KDM2A: variants seen among roughly 807,000 people sequenced by gnomAD.
KDM2A encodes lysine-specific demethylase 2A.
Under a neutral mutation model 137.3 loss-of-function variants are expected in KDM2A, and 3 were observed. The ratio of observed to expected loss-of-function variants is 0.02; its 90% confidence interval spans 0.01 to 0.06. The LOEUF is 0.06. KDM2A is among the 10% of genes least tolerant of loss of function. KDM2A has a pLI of 1.00. For synonymous variants in KDM2A, 512 were observed against 541.5 expected (o/e 0.95, Z 0.76); for missense variants, 738 against 1,510.6 (o/e 0.49, Z 8.48).
chr11:67,250,083 C>A lies in KDM2A; in HGVS notation c.2056-3C>A. The A allele has an allele frequency of 1.3e-6, 2 of 1,573,718 alleles. No individual in the cohort carries two copies. The highest frequency in any genetic ancestry group is 1.9e-5 in the Admixed American group (1 of 54,044). On this transcript the variant is annotated splice_region_variant and splice_polypyrimidine_tract_variant and intron_variant, in intron 16 of 20. Coordinates refer to ENST00000529006, the MANE Select transcript of KDM2A (RefSeq NM_012308.3). The surrounding 1 kb of genome is among the most constrained non-coding windows in gnomAD (Gnocchi z 7.1). ...ATGTTGCTTTTCTGGGCCTGTTTTGCAGAAGCGGAAAATGGAAGAGAGTGA... is the reference window on the plus strand; with the variant it reads ...ATGTTGCTTTTCTGGGCCTGTTTTGAAGAAGCGGAAAATGGAAGAGAGTGA...
chr11:67,160,689 T>G (rs1856614884), intron 2 of KDM2A, among the ~76,000 whole-genome samples: 1 of 152,156 alleles, frequency 6.6e-6, no homozygotes, highest in Non-Finnish European at 1.5e-5. Flanking sequence ...GAGAATCACT[T>G]GAACCTGGAA....
At chr11:67,232,682 C>CTT (rs558208078) in intron 12 of KDM2A, among the ~76,000 whole-genome samples, 86 of 131,786 alleles carry the variant, frequency 6.5e-4, no homozygotes, top group African/African-American at 2.0e-3. Context: ...CAGACTTGAG[C>CTT]TTTTTTTTTT....
At chr11:67,182,495 A>G (rs1857111818) in intron 5 of KDM2A, among the ~76,000 whole-genome samples, 1 of 150,580 alleles carries the variant, frequency 6.6e-6, no homozygotes, top group African/African-American at 2.4e-5. Context: ...CAGCATCCTT[A>G]GGAGTTCAGG....
At position 67,246,135 on chromosome 11, in the gene KDM2A, G is replaced by A. The variant is rs1384104149; in HGVS notation, c.1965+19G>A. On this transcript the variant is annotated intron_variant, in intron 15 of 20. Transcript: ENST00000529006. ...CCTCCAGGTGAGGAGAGCTATGAGG[G>A]GTTCCTGAAGTCTCAGCTAATGGAG... is the stretch of plus-strand genomic sequence containing the variant. 1 of 1,612,908 alleles carries A rather than the reference G, an allele frequency of 6.2e-7. No individual in the cohort carries two copies. The highest frequency in any genetic ancestry group is 8.5e-7 in the Non-Finnish European group (1 of 1,179,442).
At chr11:67,197,696 G>T (rs1857514682) in intron 5 of KDM2A, among the ~76,000 whole-genome samples, 1 of 152,128 alleles carries the variant, frequency 6.6e-6, no homozygotes, top group African/African-American at 2.4e-5. Flanking sequence ...TGAGAATATG[G>T]ACTCTGTAGC....
chr11:67,157,676 T>C (rs759915301), intron 2 of KDM2A, among the ~76,000 whole-genome samples: 1 of 133,338 alleles, frequency 7.5e-6, no homozygotes, highest in Non-Finnish European at 1.6e-5. Flanking sequence ...ACTGGGGAGG[T>C]GGGGTTTGCA....
chr11:67,121,601 A>G (rs1855598967), intron 2 of KDM2A, among the ~76,000 whole-genome samples: 1 of 152,316 alleles, frequency 6.6e-6, no homozygotes, highest in Middle Eastern at 3.4e-3. Context: ...TATAGAAACC[A>G]TTGTATACCA....
chr11:67,170,117 C>A (rs1432137951), intron 2 of KDM2A, among the ~76,000 whole-genome samples: 1 of 152,050 alleles, frequency 6.6e-6, no homozygotes. Flanking sequence ...GAAGTGAGAA[C>A]ACATTTTCAT....
intron 2 of KDM2A, chr11:67,143,355 C>A (rs4375446): frequency 6.6e-6 from 1 of 151,810 alleles, no homozygotes; most frequent in Non-Finnish European, 1.5e-5. Context: ...TACAGGACTT[C>A]AGGAGCACTA....
Position 67,245,004 on chromosome 11 carries a change from C to G in KDM2A, c.1564-185C>G, listed in dbSNP as rs894058537. On this transcript the variant is annotated intron_variant, in intron 13 of 20. Coordinates refer to ENST00000529006, the MANE Select transcript of KDM2A (RefSeq NM_012308.3). This position sits in a 1 kb window ranked among gnomAD's most constrained non-coding sequence, Gnocchi z 4.1. ...CTGTCTCAAAAAAAAAAAAAAAAAG[C>G]AGCCATTGATAATACATACACAAGA... 20 of 529,648 alleles carry G rather than the reference C, an allele frequency of 3.8e-5. No homozygotes were observed. Among genetic ancestry groups the G allele is most frequent in the Non-Finnish European group, 4.8e-5 (15 of 310,274 alleles). The allele number at this position is 529,648 out of a possible 1,614,324, so 32.8% of individuals were successfully genotyped here.
chr11:67,234,590 T>G (rs1304940722), intron 12 of KDM2A, among the ~76,000 whole-genome samples: 1 of 152,256 alleles, frequency 6.6e-6, no homozygotes, highest in Non-Finnish European at 1.5e-5. Flanking sequence ...TGACTTGGGC[T>G]GAGCCCAGTG....
At chr11:67,180,009 A>G (rs1857053205) in intron 2 of KDM2A, 70 bp from the exon 3 acceptor site, 1 of 1,490,770 alleles carries the variant, frequency 6.7e-7, no homozygotes, top group Non-Finnish European at 9.1e-7. Flanking sequence ...CATGTAGGGA[A>G]ATCTATGACC....
At chr11:67,212,124 G>C (rs941776175) in intron 6 of KDM2A, among the ~76,000 whole-genome samples, 75 of 152,226 alleles carry the variant, frequency 4.9e-4, no homozygotes, top group African/African-American at 1.6e-3. Flanking sequence ...GCAAGACCCA[G>C]TCTTTTAAAA....
In KDM2A at chr11:67,255,144, A is replaced by C; in HGVS notation, c.*89A>C. 1 of 1,187,506 alleles carries C rather than the reference A, an allele frequency of 8.4e-7. No homozygotes were observed. Among genetic ancestry groups the C allele is most frequent in the South Asian group, 1.4e-5 (1 of 70,200 alleles). The allele number at this position is 1,187,506 out of a possible 1,614,324, so 73.6% of individuals were successfully genotyped here. A position where few individuals can be genotyped will look rare whatever the true frequency, so the allele number is the denominator to read the frequency against. On this transcript the variant is annotated 3_prime_UTR_variant, in exon 21 of 21. Coordinates refer to ENST00000529006, the MANE Select transcript of KDM2A (RefSeq NM_012308.3). ...TCTCCTCGACCCTGCACGGGCTCTG[A>C]GGCCAGCGTCACACTCCCTCTCTGC...
chr11:67,203,379 T>C (rs1009112570), intron 5 of KDM2A, among the ~76,000 whole-genome samples: 20 of 150,770 alleles, frequency 1.3e-4, no homozygotes, highest in Admixed American at 1.3e-3. Context: ...AAGATATGGT[T>C]ATACTAAGTA....
intron 12 of KDM2A, among the ~76,000 whole-genome samples, chr11:67,235,081 CT>C (rs1200107428): frequency 2.1e-5 from 3 of 144,716 alleles, no homozygotes; most frequent in Non-Finnish European, 4.5e-5. Flanking sequence ...GGAGGCGGAG[CT>C]TGCAGTGAGC....
intron 2 of KDM2A, among the ~76,000 whole-genome samples, chr11:67,137,807 C>G (rs1856000613): frequency 6.6e-6 from 1 of 151,848 alleles, no homozygotes; most frequent in Non-Finnish European, 1.5e-5. Context: ...ATGATTGGGT[C>G]TTTTTTTGAG....
At chr11:67,242,005 C>CGGAGGT (rs1859058006) in intron 12 of KDM2A, among the ~76,000 whole-genome samples, 2 of 152,028 alleles carry the variant, frequency 1.3e-5, no homozygotes, top group Non-Finnish European at 2.9e-5. Context: ...GGAGGCGAGG[C>CGGAGGT]GGAGGTTGCA....
intron 2 of KDM2A, among the ~76,000 whole-genome samples, chr11:67,157,334 A>C (rs954351021): frequency 2.0e-5 from 3 of 151,346 alleles, no homozygotes; most frequent in Non-Finnish European, 4.4e-5. Context: ...AAAAAAAACA[A>C]AAAACACCAC....
Sources: allele counts gnomAD v4.1 joint callset (sites outside exome capture counted in the v4.1 genomes callset), GRCh38; gene constraint gnomAD v4.1.1; non-coding constraint Gnocchi (gnomAD v3.1); transcripts MANE v1.5; gene names NCBI Gene and HGNC (gene_info 2026-07-23, HGNC 2026-07-21).